MOCOS: variants seen among roughly 807,000 people sequenced by gnomAD.
MOCOS encodes molybdenum cofactor sulfurase.
MOCOS carries 86 observed loss-of-function variants against 83.6 expected under a neutral mutation model. The ratio of observed to expected loss-of-function variants is 1.03; its 90% CI spans 0.86 to 1.23. The LOEUF (loss-of-function observed/expected upper bound fraction) is 1.23. MOCOS is among the 50% of genes most tolerant of loss of function. The probability of loss-of-function intolerance (pLI) is 0.00; values close to 1 mark genes in which losing one functional copy is unlikely to be tolerated. For synonymous variants in MOCOS, 445 were observed against 434.7 expected (o/e 1.02, Z -0.29); for missense variants, 1,120 against 1,126.9 (o/e 0.99, Z 0.09).
chr18:36,191,038 G>GA (rs199746071), intron 1 of MOCOS, among the ~76,000 whole-genome samples: 3 of 31,810 alleles, frequency 9.4e-5, no homozygotes, highest in Non-Finnish European at 1.6e-4. Flanking sequence ...AAAAGAAAAA[G>GA]AAAAAAAAGT....
At chr18:36,187,771 A>C in intron 1 of MOCOS, 90 bp downstream of exon 1, 50 of 1,219,388 alleles carry the variant, frequency 4.1e-5, no homozygotes, top group South Asian at 1.3e-4. Context: ...GCGCTACCTC[A>C]TTCGGGCGCA....
chr18:36,269,821 C>A lies in MOCOS; in HGVS notation c.*1136C>A. On this transcript the variant is annotated 3_prime_UTR_variant, in exon 15 of 15. Transcript: ENST00000261326. ...CCCCAAATGTCTGCCTGCTGCAGCC[C>A]ACTGCATCTTTTGAAAGCCTGTGCC... The A allele has an allele frequency of 6.6e-6, 1 of 152,430 alleles. No individual in the cohort carries two copies. The allele number at this position is 152,430 out of a possible 1,614,324, so 9.4% of individuals were successfully genotyped here.
chr18:36,193,082 CG>C (rs1568047215), intron 1 of MOCOS, among the ~76,000 whole-genome samples: 1 of 150,936 alleles, frequency 6.6e-6, no homozygotes, highest in East Asian at 2.0e-4. Context: ...GAGGCTGAGG[CG>C]GGTGGATCAT....
intron 9 of MOCOS, among the ~76,000 whole-genome samples, chr18:36,228,649 A>G (rs1202942082): frequency 1.3e-5 from 2 of 152,136 alleles, no homozygotes; most frequent in African/African-American, 2.4e-5. Context: ...ATGAACACAT[A>G]GAGGGGAACA....
At chr18:36,253,034 C>T (rs534977434) in intron 11 of MOCOS, among the ~76,000 whole-genome samples, 19 of 152,216 alleles carry the variant, frequency 1.2e-4, no homozygotes, top group African/African-American at 4.3e-4. Flanking sequence ...ATAGGCATTT[C>T]CAGGGGTAGA....
chr18:36,219,984 G>A (rs1357869124), intron 8 of MOCOS, 71 bp from the exon 9 acceptor site: 6 of 1,573,430 alleles, frequency 3.8e-6, no homozygotes, highest in Non-Finnish European at 5.2e-6. Context: ...TGTTTGTGTA[G>A]CCACTGTACA....
At chr18:36,256,669 C>T (rs578057271) in intron 11 of MOCOS, among the ~76,000 whole-genome samples, 24 of 152,046 alleles carry the variant, frequency 1.6e-4, no homozygotes, top group African/African-American at 5.3e-4. Flanking sequence ...AGGCTGGTGT[C>T]GAATTCCTGG....
intron 9 of MOCOS, among the ~76,000 whole-genome samples, chr18:36,226,304 T>A (rs1311913540): frequency 6.6e-6 from 1 of 152,184 alleles, no homozygotes; most frequent in Non-Finnish European, 1.5e-5. Flanking sequence ...GTTTTTGACT[T>A]AAAGTCCATT....
At chr18:36,250,504 C>T (rs1193190981) in intron 10 of MOCOS, among the ~76,000 whole-genome samples, 1 of 152,182 alleles carries the variant, frequency 6.6e-6, no homozygotes, top group African/African-American at 2.4e-5. Flanking sequence ...GTGCTTGACA[C>T]AGTGGAGAAT....
intron 9 of MOCOS, among the ~76,000 whole-genome samples, chr18:36,237,568 A>G (rs149729974): frequency 0.057 from 8,625 of 152,190 alleles, 825 homozygotes; most frequent in African/African-American, 0.2. Flanking sequence ...ATCAATGTTC[A>G]TCAAGGATAT....
intron 6 of MOCOS, among the ~76,000 whole-genome samples, chr18:36,206,545 G>T (rs1044686275): frequency 1.3e-5 from 2 of 151,808 alleles, no homozygotes; most frequent in African/African-American, 4.8e-5. Context: ...TGTGCCCGGC[G>T]TTCTTCCAAC....
intron 2 of MOCOS, among the ~76,000 whole-genome samples, chr18:36,196,914 G>A (rs2091390422): frequency 6.6e-6 from 1 of 151,994 alleles, no homozygotes; most frequent in South Asian, 2.1e-4. Flanking sequence ...AAAACTAAAG[G>A]GCAAATTCTG....
Position 36,198,876 on chromosome 18 carries a change from A to C in MOCOS, c.299+120A>C. 2 of 995,766 alleles carry C rather than the reference A, an allele frequency of 2.0e-6. 1 individual carries two copies. Among genetic ancestry groups the C allele is most frequent in the South Asian group, 2.7e-5 (2 of 74,954 alleles). 61.7% of individuals were successfully genotyped at this position (995,766 alleles called of 1,614,324 possible). A position where few individuals can be genotyped will look rare whatever the true frequency, so the allele number is the denominator to read the frequency against. ...TTTCAGGAGGATCACAGTTGGCTAA[A>C]AGGCAATGCATGTATGTTGAGAAAC... On this transcript the variant is annotated intron_variant, in intron 3 of 14. Transcript: ENST00000261326.
At chr18:36,217,461 G>A (rs1191541574) in intron 8 of MOCOS, among the ~76,000 whole-genome samples, 2 of 151,936 alleles carry the variant, frequency 1.3e-5, no homozygotes, top group Admixed American at 6.6e-5. Flanking sequence ...GCTCCCTTAT[G>A]TGTGCACTGC....
At chr18:36,220,704 T>G (rs1248301359) in intron 9 of MOCOS, among the ~76,000 whole-genome samples, 3 of 152,046 alleles carry the variant, frequency 2.0e-5, no homozygotes, top group African/African-American at 7.2e-5. Context: ...GCAGATCACT[T>G]GAGGTCAAAA....
rs1353350799 is a variant in MOCOS at position 36,194,373 on chromosome 18, TGAAAG to T, written c.143-883_143-879del. Among the ~76,000 whole-genome samples, 20 of 152,350 alleles carry T rather than the reference TGAAAG, an allele frequency of 1.3e-4. No homozygotes were observed. In the East Asian group the frequency reaches 3.1e-3, roughly 23 times the overall value. The stretch of plus-strand genomic sequence containing the variant: ...TGGATCTCTTCACATTATATGTACT[TGAAAG>T]TGTATCTCAGAGTTTGTTTCATGTC... On this transcript the variant is annotated intron_variant, in intron 1 of 14. Coordinates refer to ENST00000261326, the MANE Select transcript of MOCOS (RefSeq NM_017947.4).
intron 9 of MOCOS, among the ~76,000 whole-genome samples, chr18:36,238,137 G>C (rs1419024521): frequency 1.3e-4 from 18 of 141,604 alleles, no homozygotes; most frequent in Admixed American, 1.4e-4. Flanking sequence ...ATTTCCTTCA[G>C]TTCTGCTCTG....
chr18:36,248,745 T>A (rs1489939820), intron 9 of MOCOS, among the ~76,000 whole-genome samples, 177 bp from the exon 10 acceptor site: 1 of 152,222 alleles, frequency 6.6e-6, no homozygotes, highest in Non-Finnish European at 1.5e-5. Context: ...AGAAATCACC[T>A]GACTGTAAAT....
At chr18:36,249,621 G>A (rs761252968) in intron 10 of MOCOS, among the ~76,000 whole-genome samples, 58 of 152,200 alleles carry the variant, frequency 3.8e-4, no homozygotes, top group Middle Eastern at 3.4e-3. Context: ...GCTGGTGCCT[G>A]TGGAGCAGTT....
Sources: allele counts gnomAD v4.1 joint callset (sites outside exome capture counted in the v4.1 genomes callset), GRCh38; gene constraint gnomAD v4.1.1; transcripts MANE v1.5; gene names NCBI Gene and HGNC (gene_info 2026-07-23, HGNC 2026-07-21).